SPIC: variants seen among roughly 807,000 people sequenced by gnomAD.
The protein encoded by SPIC is transcription factor Spi-C.
A neutral mutation model predicts 16.7 loss-of-function variants in SPIC; 9 were observed. The ratio of observed to expected loss-of-function variants is 0.54; its 90% CI spans 0.33 to 0.94. The LOEUF is 0.94. Ranked by LOEUF, SPIC falls within the 40% of genes least tolerant of loss-of-function variation. SPIC has a pLI of 0.03. For synonymous variants in SPIC, 97 were observed against 102.9 expected (o/e 0.94, Z 0.35); for missense variants, 241 against 285.8 (o/e 0.84, Z 1.13).
chr12:101,477,481 A>C (rs576820416), intron 2 of SPIC, 77 bp from the exon 3 acceptor site: 1 of 1,362,298 alleles, frequency 7.3e-7, no homozygotes, highest in African/African-American at 1.4e-5. Context: ...CCTTTAGACT[A>C]AATACTATTT....
In SPIC at chr12:101,486,629, C is replaced by T; in HGVS notation, c.605C>T (p.Ser202Phe). Residue 202 changes from serine (S) to phenylalanine (F), a missense_variant, in exon 6 of 6, where the codon TCT becomes TTT. Coordinates refer to ENST00000551346, the MANE Select transcript of SPIC (RefSeq NM_152323.3). ...QFSEAILQRL[S>F]PSYFLGKEIF... ...AGTGAGGCCATTCTCCAAAGACTCT[C>T]TCCATCCTATTTCCTGGGGAAAGAG... 2 of 1,614,004 alleles carry T rather than the reference C, an allele frequency of 1.2e-6. No homozygotes were observed. Among genetic ancestry groups the T allele is most frequent in the Non-Finnish European group, 1.7e-6 (2 of 1,179,886 alleles).
Position 101,479,695 on chromosome 12 carries a change from G to T in SPIC, c.210+1G>T. ...TGTCTATAATTGGAGAACGGTAATT[G>T]TAAGTATCAGACCATCCCTTAATAA... On this transcript the variant is annotated splice_donor_variant, in intron 4 of 5. Transcript: ENST00000551346. LOFTEE classifies it high-confidence loss of function. 7 of 1,601,800 alleles carry T rather than the reference G, an allele frequency of 4.4e-6. No individual in the cohort carries two copies. Among genetic ancestry groups the T allele is most frequent in the South Asian group, 2.2e-5 (2 of 90,726 alleles).
At chr12:101,483,074 G>A (rs1157474498) in intron 5 of SPIC, among the ~76,000 whole-genome samples, 174 bp downstream of exon 5, 1 of 147,486 alleles carries the variant, frequency 6.8e-6, no homozygotes, top group Non-Finnish European at 1.5e-5. Flanking sequence ...CATCTTGGGT[G>A]AGACTTCCTG....
At position 101,477,702 on chromosome 12, in the gene SPIC, G is replaced by A. The variant is rs746401749; in HGVS notation, c.97+51G>A. The A allele has an allele frequency of 2.8e-6, 4 of 1,447,238 alleles. No homozygotes were observed. The Admixed American group carries it at 5.0e-5, about 18-fold the overall frequency. 89.6% of individuals were successfully genotyped at this position (1,447,238 alleles called of 1,614,324 possible). On this transcript the variant is annotated intron_variant, in intron 3 of 5. Transcript: ENST00000551346. Reference sequence around the variant, plus strand: ...CTGCTGGTACATCAAATGGCTTGTTGGTCACATACACATATAAGAATAATG... The same window carrying A: ...CTGCTGGTACATCAAATGGCTTGTTAGTCACATACACATATAAGAATAATG...
At position 101,479,231 on chromosome 12, in the gene SPIC, A is replaced by G. The variant is rs796916533; in HGVS notation, c.98-351A>G. Among the ~76,000 whole-genome samples, 1,009 of 111,956 alleles carry G rather than the reference A, an allele frequency of 9.0e-3. 26 individuals are homozygous for G. The highest frequency in any genetic ancestry group is 0.03 in the East Asian group (127 of 4,264). The allele number at this position is 111,956 out of a possible 152,430, so 73.4% of individuals were successfully genotyped here. A position where few individuals can be genotyped will look rare whatever the true frequency, so the allele number is the denominator to read the frequency against. On this transcript the variant is annotated intron_variant, in intron 3 of 5. Coordinates refer to ENST00000551346, the MANE Select transcript of SPIC (RefSeq NM_152323.3). Reference sequence around the variant, plus strand: ...AAGAAAGAAAGAAAGAAGGAAAGAAAGAAAGAAAGAAAAAGAAAGAAAGAA... The same window carrying G: ...AAGAAAGAAAGAAAGAAGGAAAGAAGGAAAGAAAGAAAAAGAAAGAAAGAA...
At chr12:101,479,261 G>GGAAAGAAA (rs200103864) in intron 3 of SPIC, among the ~76,000 whole-genome samples, 1 of 46,912 alleles carries the variant, frequency 2.1e-5, no homozygotes, top group East Asian at 4.3e-4. Flanking sequence ...AAAGAAGGAA[G>GGAAAGAAA]GAAAGAAAGA....
chr12:101,482,935 G>C (rs1356967159), intron 5 of SPIC, 35 bp downstream of exon 5: 2 of 1,562,542 alleles, frequency 1.3e-6, no homozygotes, highest in African/African-American at 2.7e-5. Context: ...ACAGGTAAAA[G>C]AACCAGATCT....
At chr12:101,479,315 G>GAAAGAAAGAAAGAAAA (rs1873108285) in intron 3 of SPIC, among the ~76,000 whole-genome samples, 1 of 125,760 alleles carries the variant, frequency 8.0e-6, no homozygotes. Flanking sequence ...AAAAAAGAAA[G>GAAAGAAAGAAAGAAAA]AAAGAAAGAA....
Position 101,486,598 on chromosome 12 carries a change from C to T in SPIC, c.574C>T (p.Gln192Ter). Residue 192 changes from glutamine to a stop codon, truncating the protein, a stop_gained, in exon 6 of 6, where the codon CAG (glutamine) becomes TAG (stop). Transcript: ENST00000551346. LOFTEE classifies it low-confidence loss of function (END_TRUNC). ...ITKIRRKLTY[Q>*]FSEAILQRLS... is the part of the protein sequence containing the mutation. Reference sequence around the variant, plus strand: ...CAAAATCCGGAGGAAGCTGACTTACCAGTTCAGTGAGGCCATTCTCCAAAG... The same window carrying T: ...CAAAATCCGGAGGAAGCTGACTTACTAGTTCAGTGAGGCCATTCTCCAAAG... 6.2e-7 allele frequency: 1 copy of T among 1,614,068 alleles called. No individual in the cohort carries two copies. The highest frequency in any genetic ancestry group is 8.5e-7 in the Non-Finnish European group (1 of 1,179,978).
chr12:101,483,086 G>GTTTTTTT (rs58442228), intron 5 of SPIC, among the ~76,000 whole-genome samples, 186 bp downstream of exon 5: 3 of 129,094 alleles, frequency 2.3e-5, no homozygotes, highest in Non-Finnish European at 3.2e-5. Flanking sequence ...GACTTCCTGT[G>GTTTTTTT]TTTTTTTTTT....
chr12:101,479,510 A>C (rs1873120160), intron 3 of SPIC, 72 bp from the exon 4 acceptor site: 4 of 1,145,890 alleles, frequency 3.5e-6, no homozygotes, highest in Non-Finnish European at 5.1e-6. Flanking sequence ...AAGTGCATAT[A>C]TATACACACA....
intron 4 of SPIC, among the ~76,000 whole-genome samples, chr12:101,481,109 ATTC>A (rs936889888): frequency 6.6e-6 from 1 of 151,892 alleles, no homozygotes; most frequent in African/African-American, 2.4e-5. Context: ...AAACCCACAT[ATTC>A]TTCTTGCCAT....
chr12:101,483,567 ACAG>A (rs1873275783), intron 5 of SPIC, among the ~76,000 whole-genome samples: 1 of 151,910 alleles, frequency 6.6e-6, no homozygotes, highest in Non-Finnish European at 1.5e-5. Context: ...AAACATATAT[ACAG>A]TAGATACTAG....
intron 3 of SPIC, among the ~76,000 whole-genome samples, 172 bp downstream of exon 3, chr12:101,477,823 C>T (rs373507177): frequency 2.6e-5 from 4 of 152,060 alleles, no homozygotes; most frequent in African/African-American, 4.8e-5. Flanking sequence ...TCAAGACCTG[C>T]CTGGCCAATA....
At chr12:101,481,614 A>C (rs1379804500) in intron 4 of SPIC, among the ~76,000 whole-genome samples, 1 of 151,142 alleles carries the variant, frequency 6.6e-6, no homozygotes, top group African/African-American at 2.4e-5. Context: ...GGTTCAAGCG[A>C]TTCTCCTGCC....
At chr12:101,479,307 A>AAAAGAAAGAAAGAAAGAAAGAAAGAAAG (rs5800473) in intron 3 of SPIC, among the ~76,000 whole-genome samples, 2 of 88,166 alleles carry the variant, frequency 2.3e-5, no homozygotes, top group East Asian at 3.4e-4. Context: ...AAAGAAAGAA[A>AAAAGAAAGAAAGAAAGAAAGAAAGAAAG]AAAGAAAGAA....
At chr12:101,486,214 A>G (rs980660985) in intron 5 of SPIC, 130 bp from the exon 6 acceptor site, 14 of 812,918 alleles carry the variant, frequency 1.7e-5, no homozygotes, top group Admixed American at 9.9e-5. Context: ...TGCATTCGTA[A>G]GGGCAGTGAG....
intron 4 of SPIC, among the ~76,000 whole-genome samples, chr12:101,482,494 A>G (rs191261136): frequency 9.3e-4 from 141 of 152,262 alleles, no homozygotes; most frequent in Middle Eastern, 3.4e-3. Flanking sequence ...ACAGGAATGG[A>G]AGCCCATCTT....
At chr12:101,486,224 G>T in intron 5 of SPIC, 120 bp from the exon 6 acceptor site, 1 of 921,334 alleles carries the variant, frequency 1.1e-6, no homozygotes, top group Non-Finnish European at 1.7e-6. Flanking sequence ...AGGGCAGTGA[G>T]TGGGAGAAAA....
Sources: allele counts gnomAD v4.1 joint callset (sites outside exome capture counted in the v4.1 genomes callset), GRCh38; gene constraint gnomAD v4.1.1; transcripts MANE v1.5; gene names NCBI Gene and HGNC (gene_info 2026-07-23, HGNC 2026-07-21).